PIBF1: variants seen among roughly 807,000 people sequenced by gnomAD.
PIBF1 encodes progesterone-induced-blocking factor 1.
In PIBF1, 90 loss-of-function variants were observed where a neutral mutation model predicts 112.5. The observed-to-expected ratio is 0.80, with a 90% CI of 0.67 to 0.95. The LOEUF (loss-of-function observed/expected upper bound fraction) is 0.95, where lower values mean the gene tolerates loss of function less well. Among genes scored for constraint, PIBF1 ranks in the 40% least tolerant of loss-of-function variants. The pLI is 0.00. For synonymous variants in PIBF1, 301 were observed against 288.6 expected, an observed-to-expected ratio of 1.04 and a Z score of -0.44; for missense variants, 915 against 852.3, an observed-to-expected ratio of 1.07 and a Z score of -0.92.
chr13:72,979,760 A>C (rs2043110145), intron 16 of PIBF1, among the ~76,000 whole-genome samples: 1 of 152,026 alleles, frequency 6.6e-6, no homozygotes, highest in Non-Finnish European at 1.5e-5. Flanking sequence ...GTCCCTACTA[A>C]AAATAGAAAA....
chr13:72,990,073 G>A (rs550669547), intron 16 of PIBF1, among the ~76,000 whole-genome samples: 16 of 151,866 alleles, frequency 1.1e-4, no homozygotes, highest in African/African-American at 3.1e-4. Flanking sequence ...AATTAGCTGG[G>A]CGTGGTGGTG....
At chr13:72,986,676 CTTTTTTT>C (rs765529786) in intron 16 of PIBF1, among the ~76,000 whole-genome samples, 9 of 89,032 alleles carry the variant, frequency 1.0e-4, no homozygotes, top group East Asian at 3.5e-4. Flanking sequence ...TTTCTGTCAT[CTTTTTTT>C]TTTTTTTTTT....
intron 10 of PIBF1, among the ~76,000 whole-genome samples, chr13:72,860,880 A>T (rs1298571677): frequency 6.6e-6 from 1 of 152,202 alleles, no homozygotes; most frequent in Non-Finnish European, 1.5e-5. Flanking sequence ...GATAAGTAAC[A>T]AATACCCAGT....
chr13:72,923,342 A>G (rs1005483332), intron 13 of PIBF1, among the ~76,000 whole-genome samples: 1 of 152,204 alleles, frequency 6.6e-6, no homozygotes, highest in Non-Finnish European at 1.5e-5. Context: ...ATTTGGCATC[A>G]AGAAGTGCTA....
intron 15 of PIBF1, among the ~76,000 whole-genome samples, chr13:72,969,408 G>T (rs984251895): frequency 1.3e-5 from 2 of 152,138 alleles, no homozygotes; most frequent in African/African-American, 4.8e-5. Flanking sequence ...TAAATTAATT[G>T]TGTGATATTT....
chr13:72,937,126 G>A (rs1230838712), intron 14 of PIBF1, among the ~76,000 whole-genome samples: 2 of 151,658 alleles, frequency 1.3e-5, no homozygotes, highest in African/African-American at 4.8e-5. Context: ...ATTTTCAATT[G>A]GAGATTTTTT....
chr13:72,957,221 A>G (rs561190282), intron 14 of PIBF1, among the ~76,000 whole-genome samples: 70 of 152,352 alleles, frequency 4.6e-4, no homozygotes, highest in African/African-American at 1.7e-3. Flanking sequence ...ACTCATATTC[A>G]TAGCAGCACA....
At chr13:72,856,211 A>G (rs532670328) in intron 10 of PIBF1, among the ~76,000 whole-genome samples, 5 of 152,310 alleles carry the variant, frequency 3.3e-5, no homozygotes, top group Admixed American at 6.5e-5. Context: ...GTGCCTTCCT[A>G]TGATAACTAC....
At chr13:72,790,842 A>G (rs1045606630) in intron 2 of PIBF1, among the ~76,000 whole-genome samples, 2 of 152,192 alleles carry the variant, frequency 1.3e-5, no homozygotes, top group Admixed American at 6.5e-5. Context: ...TTTCACTGGA[A>G]TAGTATGGGG....
Position 72,997,381 on chromosome 13 carries a change from C to A in PIBF1, c.2050-1441C>A, listed in dbSNP as rs552228471. On this transcript the variant is annotated intron_variant, in intron 16 of 17. Coordinates refer to ENST00000326291, the MANE Select transcript of PIBF1 (RefSeq NM_006346.4). ...ACATAATCTTGAAAGCAAAAAGAGT[C>A]CCCAAATGGCCCAGATAATCATATA... Among the ~76,000 whole-genome samples the A allele has an allele frequency of 2.0e-5, 3 of 152,126 alleles. No individual in the cohort carries two copies. The South Asian group carries it at 6.2e-4, about 32-fold the overall frequency.
At chr13:72,873,750 G>C (rs575056009) in intron 10 of PIBF1, among the ~76,000 whole-genome samples, 1 of 140,742 alleles carries the variant, frequency 7.1e-6, no homozygotes, top group Non-Finnish European at 1.5e-5. Context: ...AGAAAAACTC[G>C]TTAAATTGGA....
rs367753721 is a variant in PIBF1, at chr13:72,923,134, G to A, written c.1730+5968G>A. On this transcript the variant is annotated intron_variant, in intron 13 of 17. Coordinates refer to ENST00000326291, the MANE Select transcript of PIBF1 (RefSeq NM_006346.4). ...TGCCTCACATATTCTTGCTCATTTC[G>A]AGTTTTGGTAATAGTAAGACACCGT... Among the ~76,000 whole-genome samples, 9 of 152,212 alleles carry A rather than the reference G, an allele frequency of 5.9e-5. No individual in the cohort carries two copies. In the South Asian group the frequency reaches 1.9e-3, roughly 32 times the overall value.
chr13:72,792,513 G>A lies in PIBF1; in HGVS notation c.319G>A (p.Asp107Asn). The A allele has an allele frequency of 1.3e-6, 2 of 1,566,740 alleles. No homozygotes were observed. The highest frequency in any genetic ancestry group is 1.7e-6 in the Non-Finnish European group (2 of 1,161,164). The change falls in exon 3 of 18, where the codon GAC becomes AAC. Residue 107 changes from aspartate to asparagine, a missense_variant. Asp to Asn is a conservative substitution (Grantham distance 23, BLOSUM62 1). Transcript: ENST00000326291. ...GAAGCAGCTACTAACATTGAGATTA[G>A]ACAACCAATTGGCTTTTCAACAGAA... Reference protein sequence around the residue: ...HQKQLLTLRLDNQLAFQQKDA... With the variant: ...HQKQLLTLRLNNQLAFQQKDA...
chr13:72,913,886 A>G (rs1177044889), intron 12 of PIBF1, among the ~76,000 whole-genome samples: 3 of 152,214 alleles, frequency 2.0e-5, no homozygotes, highest in Admixed American at 2.0e-4. Context: ...TTGTTATGAT[A>G]CTATCTAAAC....
chr13:73,015,074 C>A (rs1230858601), intron 17 of PIBF1, among the ~76,000 whole-genome samples: 6 of 152,176 alleles, frequency 3.9e-5, no homozygotes, highest in Non-Finnish European at 1.5e-5. Flanking sequence ...GCATGGGCCA[C>A]CGCGCCCATC....
chr13:72,935,790 T>G (rs2041855003), intron 14 of PIBF1, among the ~76,000 whole-genome samples: 1 of 152,182 alleles, frequency 6.6e-6, no homozygotes, highest in Non-Finnish European at 1.5e-5. Context: ...CGAATGATTT[T>G]GAGGATCTTC....
intron 16 of PIBF1, among the ~76,000 whole-genome samples, chr13:72,980,373 T>A (rs1030554813): frequency 1.3e-5 from 2 of 152,106 alleles, no homozygotes; most frequent in Non-Finnish European, 2.9e-5. Flanking sequence ...GTGACGAGCA[T>A]CAGGAAGAGA....
chr13:72,789,384 A>G (rs921987882), intron 2 of PIBF1, among the ~76,000 whole-genome samples: 86 of 152,104 alleles, frequency 5.7e-4, no homozygotes, highest in African/African-American at 2.0e-3. Context: ...ACAGGGTCTC[A>G]CTATGTTGTC....
chr13:72,809,644 C>G (rs2035911751), intron 5 of PIBF1, among the ~76,000 whole-genome samples: 1 of 134,292 alleles, frequency 7.4e-6, no homozygotes, highest in African/African-American at 2.8e-5. Context: ...GGCTGGAGTG[C>G]AATGGCATGA....
Sources: gnomAD v4.1 joint callset for allele counts (sites outside exome capture counted in the v4.1 genomes callset) on GRCh38, gnomAD v4.1.1 for gene constraint, MANE v1.5 for transcripts, NCBI Gene and HGNC (gene_info 2026-07-23, HGNC 2026-07-21) for gene names.